Variants in ZBBX observed in about 807,000 individuals in gnomAD.
ZBBX encodes the protein zinc finger B-box domain-containing protein 1.
Under a neutral mutation model 108.5 loss-of-function variants are expected in ZBBX, and 101 were observed. The ratio of observed to expected loss-of-function variants is 0.93; its 90% CI spans 0.79 to 1.10. ZBBX has a LOEUF of 1.10. Among genes scored for constraint, ZBBX ranks in the 50% least tolerant of loss-of-function variants. The pLI is 0.00. For synonymous variants in ZBBX, 356 were observed against 323.4 expected (o/e 1.10, Z -1.08); for missense variants, 1,009 against 941.4 (o/e 1.07, Z -0.94).
intron 20 of ZBBX, among the ~76,000 whole-genome samples, chr3:167,279,141 A>G (rs1728272599): frequency 6.6e-6 from 1 of 151,978 alleles, no homozygotes; most frequent in Non-Finnish European, 1.5e-5. Context: ...CACAGCCAAT[A>G]TCATACTGAA....
At chr3:167,304,156 A>G (rs1222308257) in intron 17 of ZBBX, among the ~76,000 whole-genome samples, 1 of 152,026 alleles carries the variant, frequency 6.6e-6, no homozygotes, top group Non-Finnish European at 1.5e-5. Context: ...ATATAGTCTC[A>G]CAGGATAGAG....
intron 9 of ZBBX, among the ~76,000 whole-genome samples, chr3:167,346,803 C>T (rs576158783): frequency 2.0e-5 from 3 of 151,740 alleles, no homozygotes; most frequent in African/African-American, 7.3e-5. Context: ...ACAACAAAAA[C>T]TTTATGCATA....
At chr3:167,296,740 A>T (rs1335249250) in intron 18 of ZBBX, among the ~76,000 whole-genome samples, 1 of 152,156 alleles carries the variant, frequency 6.6e-6, no homozygotes, top group South Asian at 2.1e-4. Context: ...ACACATAAAA[A>T]GAAACATATC....
intron 6 of ZBBX, among the ~76,000 whole-genome samples, chr3:167,361,442 T>C (rs147428364): frequency 1.7e-4 from 26 of 152,274 alleles, no homozygotes; most frequent in African/African-American, 6.0e-4. Flanking sequence ...TGCATTTATA[T>C]AGATACTGTC....
intron 1 of ZBBX, among the ~76,000 whole-genome samples, chr3:167,406,163 A>G (rs1160737373): frequency 3.3e-5 from 5 of 152,224 alleles, no homozygotes; most frequent in African/African-American, 1.2e-4. Flanking sequence ...TTCAGAGACA[A>G]TAGTCTTCAA....
intron 1 of ZBBX, among the ~76,000 whole-genome samples, chr3:167,391,312 G>C (rs1245377250): frequency 6.6e-6 from 1 of 151,746 alleles, no homozygotes; most frequent in Non-Finnish European, 1.5e-5. Context: ...TGTTGACCCA[G>C]TCTTGCATCC....
At chr3:167,407,760 G>T (rs77008732) in exon 1 of ZBBX, among the ~76,000 whole-genome samples, 1 of 151,960 alleles carries the variant, frequency 6.6e-6, no homozygotes, top group Non-Finnish European at 1.5e-5. Context: ...GAAGAGGAGG[G>T]GTTGGTCTTG....
intron 1 of ZBBX, among the ~76,000 whole-genome samples, chr3:167,394,617 A>G (rs1748175217): frequency 6.6e-6 from 1 of 151,922 alleles, no homozygotes; most frequent in South Asian, 2.1e-4. Flanking sequence ...CTCTGAGACA[A>G]AAGGTTACAC....
intron 20 of ZBBX, among the ~76,000 whole-genome samples, chr3:167,243,481 C>T (rs972076276): frequency 2.6e-5 from 4 of 151,972 alleles, no homozygotes; most frequent in African/African-American, 9.7e-5. Flanking sequence ...TCACCGCAAC[C>T]TCCGCCTCCT....
intron 20 of ZBBX, among the ~76,000 whole-genome samples, chr3:167,279,155 G>C (rs916303037): frequency 3.3e-5 from 5 of 152,090 alleles, no homozygotes; most frequent in African/African-American, 9.6e-5. Flanking sequence ...TACTGAATGG[G>C]CAAAAACTGG....
intron 1 of ZBBX, among the ~76,000 whole-genome samples, chr3:167,391,466 C>T (rs1234296405): frequency 6.6e-6 from 1 of 151,818 alleles, no homozygotes; most frequent in Non-Finnish European, 1.5e-5. Context: ...TGTGTTTCTG[C>T]CAGGTTTTGG....
chr3:167,386,271 T>C (rs1747919486), intron 1 of ZBBX, among the ~76,000 whole-genome samples: 1 of 152,100 alleles, frequency 6.6e-6, no homozygotes, highest in Admixed American at 6.6e-5. Context: ...CATCCAAAAA[T>C]GATACACTCC....
chr3:167,255,861 A>G (rs1488945901), intron 20 of ZBBX, among the ~76,000 whole-genome samples: 1 of 152,070 alleles, frequency 6.6e-6, no homozygotes, highest in Non-Finnish European at 1.5e-5. Context: ...ATAATTGACT[A>G]TAGTCTCTGG....
chr3:167,258,898 A>T (rs570135076), intron 20 of ZBBX, among the ~76,000 whole-genome samples: 96 of 152,296 alleles, frequency 6.3e-4, no homozygotes, highest in African/African-American at 2.3e-3. Context: ...GGATTTTAGC[A>T]TCTATGTTCA....
the ZBBX span, among the ~76,000 whole-genome samples, chr3:167,222,479 T>C: frequency 6.6e-6 from 1 of 151,626 alleles, no homozygotes; most frequent in East Asian, 1.9e-4. Context: ...AATAGTTAGG[T>C]ACATTACGAT....
intron 9 of ZBBX, among the ~76,000 whole-genome samples, chr3:167,348,356 G>GAAAGAAAGAA (rs767816748): frequency 0.066 from 7,460 of 112,770 alleles, 364 homozygotes; most frequent in East Asian, 0.12. Context: ...AAGAAAGAAA[G>GAAAGAAAGAA]AAAGAAAGAA....
chr3:167,350,382 T>C, intron 9 of ZBBX, 38 bp downstream of exon 9: 1 of 1,483,156 alleles, frequency 6.7e-7, no homozygotes, highest in Non-Finnish European at 9.2e-7. Flanking sequence ...AAACATTTTA[T>C]AAACACACTA....
the ZBBX span, among the ~76,000 whole-genome samples, chr3:167,185,579 T>C: frequency 6.6e-6 from 1 of 152,170 alleles, no homozygotes; most frequent in African/African-American, 2.4e-5. Context: ...TGCTGAATAC[T>C]TAAGTCCTAT....
At chr3:167,276,278 C>T (rs146115103) in intron 20 of ZBBX, among the ~76,000 whole-genome samples, 1 of 152,138 alleles carries the variant, frequency 6.6e-6, no homozygotes, top group Admixed American at 6.6e-5. Context: ...AGGCTTCAGA[C>T]AATCAAATTA....
Sources: allele counts gnomAD v4.1 joint callset (sites outside exome capture counted in the v4.1 genomes callset), GRCh38; gene constraint gnomAD v4.1.1; transcripts MANE v1.5; gene names NCBI Gene and HGNC (gene_info 2026-07-23, HGNC 2026-07-21).